The following DUSP16 variants were observed in gnomAD, a reference collection of about 807,000 sequenced individuals.
DUSP16 encodes the protein dual specificity phosphatase 16, also known as dual specificity protein phosphatase 16.
A neutral mutation model predicts 58.3 loss-of-function variants in DUSP16; 21 were observed. That is an observed-to-expected ratio of 0.36 (90% CI 0.26 to 0.52). The LOEUF (loss-of-function observed/expected upper bound fraction) is 0.52, where lower values mean the gene tolerates loss of function less well. Among genes scored for constraint, DUSP16 ranks in the 20% least tolerant of loss-of-function variants. DUSP16 has a pLI of 0.94. For synonymous variants in DUSP16, 320 were observed against 323.8 expected, an observed-to-expected ratio of 0.99 and a Z score of 0.12; for missense variants, 726 against 819.0, an observed-to-expected ratio of 0.89 and a Z score of 1.39.
At chr12:12,494,219 A>G (rs1458281870) in intron 4 of DUSP16, among the ~76,000 whole-genome samples, 5 of 152,242 alleles carry the variant, frequency 3.3e-5, no homozygotes, top group South Asian at 2.1e-4. Context: ...TCCTGGGTTG[A>G]AAATTTTAGA....
chr12:12,522,849 C>T (rs1944255669), intron 1 of DUSP16, among the ~76,000 whole-genome samples: 1 of 152,196 alleles, frequency 6.6e-6, no homozygotes, highest in Non-Finnish European at 1.5e-5. Context: ...CAGGTATGAG[C>T]CACCGCACCC....
At chr12:12,559,163 T>C (rs1050084664) in intron 1 of DUSP16, among the ~76,000 whole-genome samples, 18 of 152,180 alleles carry the variant, frequency 1.2e-4, no homozygotes, top group Non-Finnish European at 2.1e-4. Context: ...AAAAAAAAAT[T>C]GACATCTGGC....
chr12:12,550,018 G>A (rs549470930), intron 1 of DUSP16, among the ~76,000 whole-genome samples: 11 of 152,162 alleles, frequency 7.2e-5, no homozygotes, highest in Admixed American at 4.6e-4. Context: ...CAGACCAGGC[G>A]CAGTGGCACT....
chr12:12,548,317 G>A (rs746972373), intron 1 of DUSP16, among the ~76,000 whole-genome samples: 8 of 152,120 alleles, frequency 5.3e-5, no homozygotes, highest in Non-Finnish European at 1.2e-4. Context: ...GAGGTATCAC[G>A]TCACACCCAT....
At chr12:12,507,315 G>C (rs1455581922) in intron 3 of DUSP16, among the ~76,000 whole-genome samples, 3 of 152,122 alleles carry the variant, frequency 2.0e-5, no homozygotes, top group African/African-American at 4.8e-5. Flanking sequence ...TTTCCTGCAG[G>C]GAGAGACAGA....
In DUSP16 at chr12:12,521,329, C is replaced by T. The variant is rs1944233421; in HGVS notation, c.-231G>A. The T allele has an allele frequency of 1.1e-5, 16 of 1,401,904 alleles. No homozygotes were observed. The highest frequency in any genetic ancestry group is 1.5e-5 in the Non-Finnish European group (16 of 1,079,030). The allele number at this position is 1,401,904 out of a possible 1,614,324, so 86.8% of individuals were successfully genotyped here. On this transcript the variant is annotated 5_prime_UTR_variant, in exon 2 of 7. Transcript: ENST00000298573. ...GCAAAGGACTCCGTCCACAAAGCAG[C>T]CCCTCACATTTGATTCATAAAGAGA...
At chr12:12,494,429 G>T (rs1332584496) in intron 4 of DUSP16, among the ~76,000 whole-genome samples, 1 of 152,170 alleles carries the variant, frequency 6.6e-6, no homozygotes, top group Non-Finnish European at 1.5e-5. Context: ...TTCTCACTGA[G>T]GGATGAATAG....
intron 1 of DUSP16, among the ~76,000 whole-genome samples, chr12:12,521,904 A>G (rs77421746): frequency 6.6e-6 from 1 of 152,154 alleles, no homozygotes; most frequent in Admixed American, 6.5e-5. Flanking sequence ...AAAAAAAAAA[A>G]TATTTTCTGA....
intron 1 of DUSP16, among the ~76,000 whole-genome samples, chr12:12,547,531 TAAAAAAAAAAAAA>T (rs761142479): frequency 0.078 from 5,179 of 66,780 alleles, 424 homozygotes; most frequent in African/African-American, 0.24. Flanking sequence ...TGAGTAGGCT[TAAAAAAAAAAAAA>T]AAAAAAAAAA....
At chr12:12,506,321 G>A (rs1943996582) in intron 3 of DUSP16, 1 of 152,158 alleles carries the variant, frequency 6.6e-6, no homozygotes, top group Non-Finnish European at 1.5e-5. Context: ...ATGGCTAACG[G>A]AGACAAAGAA....
intron 6 of DUSP16, 47 bp downstream of exon 6, chr12:12,480,176 C>G (rs746034512): frequency 6.2e-7 from 1 of 1,602,052 alleles, no homozygotes; most frequent in African/African-American, 1.3e-5. Flanking sequence ...CTTTATGTTT[C>G]AGGTCAAATG....
intron 4 of DUSP16, chr12:12,491,384 G>C (rs1943759213): frequency 6.6e-6 from 1 of 151,954 alleles, no homozygotes; most frequent in Admixed American, 6.6e-5. Flanking sequence ...AACTGAGATG[G>C]AACTATAATT....
intron 1 of DUSP16, among the ~76,000 whole-genome samples, chr12:12,527,280 A>G (rs1944320309): frequency 6.6e-6 from 1 of 152,212 alleles, no homozygotes; most frequent in African/African-American, 2.4e-5. Flanking sequence ...ATAACAGGAA[A>G]AAAACCAATC....
chr12:12,509,277 A>G (rs1239416978), intron 3 of DUSP16, among the ~76,000 whole-genome samples: 1 of 152,196 alleles, frequency 6.6e-6, no homozygotes, highest in Non-Finnish European at 1.5e-5. Flanking sequence ...GCTTTTGAAA[A>G]GTCAACCTTT....
chr12:12,557,467 A>T (rs1944823497), intron 1 of DUSP16, among the ~76,000 whole-genome samples: 1 of 152,108 alleles, frequency 6.6e-6, no homozygotes, highest in Non-Finnish European at 1.5e-5. Flanking sequence ...AAAAAAAAAA[A>T]AAAAAAATCT....
At chr12:12,541,055 C>A (rs761780280) in intron 1 of DUSP16, among the ~76,000 whole-genome samples, 1 of 147,632 alleles carries the variant, frequency 6.8e-6, no homozygotes, top group Non-Finnish European at 1.5e-5. Context: ...ACCTCCCAGG[C>A]TCAGGTGATC....
chr12:12,557,895 A>C (rs950586872), intron 1 of DUSP16, among the ~76,000 whole-genome samples: 1 of 152,172 alleles, frequency 6.6e-6, no homozygotes, highest in Non-Finnish European at 1.5e-5. Flanking sequence ...GAGATGGGTG[A>C]ATACCTTCCG....
chr12:12,499,646 C>T lies in DUSP16; in HGVS notation c.531+873G>A, dbSNP rs78624703. Among the ~76,000 whole-genome samples the T allele has an allele frequency of 1.3e-3, 203 of 152,266 alleles. 2 individuals are homozygous for T. In the East Asian group the frequency reaches 0.014, roughly 10 times the overall value. Reference sequence around the variant, plus strand: ...AATTCTTCTAGTTACTCAAGGAGAACGTGTTAAGGGGTTCTTCCCTTTGCA... The same window carrying T: ...AATTCTTCTAGTTACTCAAGGAGAATGTGTTAAGGGGTTCTTCCCTTTGCA... On this transcript the variant is annotated intron_variant, in intron 4 of 6. Transcript: ENST00000298573.
chr12:12,503,891 G>C (rs764741809), intron 3 of DUSP16, among the ~76,000 whole-genome samples: 6 of 152,150 alleles, frequency 3.9e-5, no homozygotes, highest in Non-Finnish European at 5.9e-5. Flanking sequence ...CTTACAAAAT[G>C]CTACGCTAGG....
Sources: allele counts gnomAD v4.1 joint callset (sites outside exome capture counted in the v4.1 genomes callset), GRCh38; gene constraint gnomAD v4.1.1; transcripts MANE v1.5; gene names NCBI Gene and HGNC (gene_info 2026-07-23, HGNC 2026-07-21).